ULK2: variants seen among roughly 807,000 people sequenced by gnomAD.
ULK2 encodes the protein unc-51 like autophagy activating kinase 2, also known as serine/threonine-protein kinase ULK2.
ULK2 carries 76 observed loss-of-function variants against 127.5 expected under a neutral mutation model. The ratio of observed to expected loss-of-function variants is 0.60; its 90% CI spans 0.50 to 0.72. The LOEUF (loss-of-function observed/expected upper bound fraction) is 0.72, where lower values mean the gene tolerates loss of function less well. ULK2 is among the 30% of genes least tolerant of loss of function. The probability of loss-of-function intolerance (pLI) is 0.00; values close to 1 mark genes in which losing one functional copy is unlikely to be tolerated. For missense variants in ULK2, 1,144 were observed against 1,295.9 expected, an observed-to-expected ratio of 0.88 and a Z score of 1.80; for synonymous variants, 452 against 461.9, an observed-to-expected ratio of 0.98 and a Z score of 0.28.
intron 3 of ULK2, among the ~76,000 whole-genome samples, chr17:19,854,180 A>C (rs1233620175): frequency 6.6e-6 from 1 of 151,764 alleles, no homozygotes; most frequent in Non-Finnish European, 1.5e-5. Flanking sequence ...CGGAAGGCTG[A>C]AGGAGGAGAA....
chr17:19,809,606 A>G (rs566398639), intron 14 of ULK2, among the ~76,000 whole-genome samples: 1 of 151,936 alleles, frequency 6.6e-6, no homozygotes, highest in East Asian at 1.9e-4. Flanking sequence ...GGTGGTGCGT[A>G]CCTGTAATCC....
chr17:19,781,412 T>TA (rs1351897766), intron 23 of ULK2, among the ~76,000 whole-genome samples: 1 of 152,008 alleles, frequency 6.6e-6, no homozygotes, highest in East Asian at 1.9e-4. Context: ...CATGCCCGGC[T>TA]AATTTTTGTA....
At position 19,772,425 on chromosome 17, in the gene ULK2, G is replaced by A. The variant is rs2086748097; in HGVS notation, c.*3924C>T. 6.6e-6 allele frequency: 1 copy of A among 152,170 alleles called. No individual in the cohort carries two copies. Among genetic ancestry groups the A allele is most frequent in the Admixed American group, 6.5e-5 (1 of 15,276 alleles). 9.4% of individuals were successfully genotyped at this position (152,170 alleles called of 1,614,324 possible). On this transcript the variant is annotated 3_prime_UTR_variant, in exon 27 of 27. Transcript: ENST00000395544. ...TTGGGAGGGACCCAAGAGCTTGCTT[G>A]GCTGCAGATTCAAGGGTCCAGGACT...
At chr17:19,794,162 T>C (rs2087215175) in intron 20 of ULK2, among the ~76,000 whole-genome samples, 1 of 151,802 alleles carries the variant, frequency 6.6e-6, no homozygotes, top group South Asian at 2.1e-4. Flanking sequence ...TGAAACTTCC[T>C]GAACTAAAAA....
intron 11 of ULK2, among the ~76,000 whole-genome samples, chr17:19,825,417 T>G (rs2041263600): frequency 6.6e-6 from 1 of 152,154 alleles, no homozygotes; most frequent in Admixed American, 6.5e-5. Context: ...CGTAGGTATC[T>G]AAGAAAATCA....
In ULK2 at chr17:19,775,351, C is replaced by T. The variant is rs1477513807; in HGVS notation, c.*998G>A. The stretch of plus-strand genomic sequence containing the variant: ...CACTGCATGTAGGAACTCCACATCA[C>T]TAACAAGCCTTTAGGTCACCAACTT... On this transcript the variant is annotated 3_prime_UTR_variant, in exon 27 of 27. Transcript: ENST00000395544. 1 of 152,568 alleles carries T rather than the reference C, an allele frequency of 6.6e-6. No homozygotes were observed. Among genetic ancestry groups the T allele is most frequent in the Non-Finnish European group, 1.5e-5 (1 of 68,032 alleles). The allele number at this position is 152,568 out of a possible 1,614,324, so 9.5% of individuals were successfully genotyped here. A position where few individuals can be genotyped will look rare whatever the true frequency, so the allele number is the denominator to read the frequency against.
At chr17:19,805,196 G>C (rs1003070627) in intron 14 of ULK2, among the ~76,000 whole-genome samples, 2 of 152,160 alleles carry the variant, frequency 1.3e-5, no homozygotes, top group African/African-American at 4.8e-5. Flanking sequence ...AAAAGAACGG[G>C]AAGTTCAACA....
At chr17:19,821,290 G>C (rs2041136083) in intron 12 of ULK2, among the ~76,000 whole-genome samples, 1 of 152,154 alleles carries the variant, frequency 6.6e-6, no homozygotes, top group African/African-American at 2.4e-5. Flanking sequence ...CTGGGTGACA[G>C]AGTGAGACTC....
chr17:19,796,107 G>A lies in ULK2; in HGVS notation c.1985C>T (p.Ala662Val). ...ERQRAEQQSK[A>V]VFGRSVSTGK... ...AACAGTCTTTTACCTGCCAAACACT[G>A]CCTTGCTCTGCTGCTCGGCCCGCTG... Residue 662 changes from alanine to valine, a missense_variant, in exon 19 of 27, where the codon GCA becomes GTA. Transcript: ENST00000395544. 6.2e-7 allele frequency: 1 copy of A among 1,612,306 alleles called. No individual in the cohort carries two copies. The highest frequency in any genetic ancestry group is 8.5e-7 in the Non-Finnish European group (1 of 1,179,396).
At chr17:19,840,894 C>CA (rs1344698527) in intron 9 of ULK2, among the ~76,000 whole-genome samples, 2 of 151,098 alleles carry the variant, frequency 1.3e-5, no homozygotes, top group African/African-American at 2.4e-5. Context: ...GTCTCAAAAA[C>CA]AAAAAAAAGC....
chr17:19,817,950 G>A (rs1386233592), intron 12 of ULK2, among the ~76,000 whole-genome samples: 7 of 152,240 alleles, frequency 4.6e-5, no homozygotes, highest in African/African-American at 1.7e-4. Flanking sequence ...GAAGGGAAGG[G>A]AAGATGGAAG....
At position 19,846,930 on chromosome 17, in the gene ULK2, G is replaced by A. The variant is rs546625061; in HGVS notation, c.296-20C>T. The A allele has an allele frequency of 4.3e-5, 68 of 1,586,980 alleles. No individual in the cohort carries two copies. The highest frequency in any genetic ancestry group is 2.5e-4 in the South Asian group (21 of 85,632). On this transcript the variant is annotated intron_variant, in intron 5 of 26. Coordinates refer to ENST00000395544, the MANE Select transcript of ULK2 (RefSeq NM_014683.4). ...CTTTCGCTGGTACAAAAGGAGTCACGTAAATATTTAAGCACACAAAATCAA... is the reference window on the plus strand; with the variant it reads ...CTTTCGCTGGTACAAAAGGAGTCACATAAATATTTAAGCACACAAAATCAA...
chr17:19,840,123 A>C, intron 9 of ULK2: 2 of 385,612 alleles, frequency 5.2e-6, no homozygotes, highest in South Asian at 4.2e-5. Context: ...CTGGGTCACC[A>C]AGATGTCGTT....
intron 2 of ULK2, among the ~76,000 whole-genome samples, chr17:19,865,289 C>T (rs1329492519): frequency 6.6e-6 from 1 of 152,094 alleles, no homozygotes; most frequent in Non-Finnish European, 1.5e-5. Flanking sequence ...CTTCTCAAAC[C>T]ATCCCACTTA....
intron 8 of ULK2, among the ~76,000 whole-genome samples, chr17:19,842,705 T>C (rs980850059): frequency 1.3e-5 from 2 of 151,916 alleles, no homozygotes; most frequent in Non-Finnish European, 2.9e-5. Flanking sequence ...TTCCATAAAG[T>C]GTATATAATT....
chr17:19,807,490 A>G lies in ULK2; in HGVS notation c.1158-2660T>C, dbSNP rs572315202. On this transcript the variant is annotated intron_variant, in intron 14 of 26. Transcript: ENST00000395544. ...CTATTTTTTGTCTGGATGCACAAGG[A>G]ATAGATATTATATTCCCTACATGTA... 1.4e-3 allele frequency among the ~76,000 whole-genome samples: 212 copies of G among 152,286 alleles called. 1 individual carries two copies. The highest frequency in any genetic ancestry group is 5.0e-3 in the African/African-American group (207 of 41,556).
intron 16 of ULK2, 86 bp downstream of exon 16, chr17:19,801,691 G>A: frequency 6.3e-7 from 1 of 1,578,634 alleles, no homozygotes; most frequent in African/African-American, 1.4e-5. Context: ...GCCATCATGA[G>A]CCGAAGTTCC....
chr17:19,801,689 G>T, intron 16 of ULK2, 88 bp downstream of exon 16: 1 of 1,573,126 alleles, frequency 6.4e-7, no homozygotes, highest in Non-Finnish European at 8.6e-7. Flanking sequence ...CTGCCATCAT[G>T]AGCCGAAGTT....
chr17:19,845,429 T>G, intron 6 of ULK2, 52 bp from the exon 7 acceptor site: 1 of 1,319,784 alleles, frequency 7.6e-7, no homozygotes, highest in Non-Finnish European at 1.1e-6. Flanking sequence ...CGCTCATACC[T>G]AACATATATC....
Sources: allele counts gnomAD v4.1 joint callset (sites outside exome capture counted in the v4.1 genomes callset), GRCh38; gene constraint gnomAD v4.1.1; transcripts MANE v1.5; gene names NCBI Gene and HGNC (gene_info 2026-07-23, HGNC 2026-07-21).